The following SSH1 variants were observed in gnomAD, a reference collection of about 807,000 sequenced individuals.
SSH1 encodes protein phosphatase Slingshot homolog 1.
In SSH1, 43 loss-of-function variants were observed where a neutral mutation model predicts 79.7. The ratio of observed to expected loss-of-function variants is 0.54; its 90% CI spans 0.42 to 0.70. SSH1 has a LOEUF of 0.70. Among genes scored for constraint, SSH1 ranks in the 30% least tolerant of loss-of-function variants. The pLI is 0.00. For synonymous variants in SSH1, 599 were observed against 538.3 expected, an observed-to-expected ratio of 1.11 and a Z score of -1.56; for missense variants, 1,206 against 1,358.8, an observed-to-expected ratio of 0.89 and a Z score of 1.77.
intron 6 of SSH1, among the ~76,000 whole-genome samples, chr12:108,810,274 C>T (rs2037512885): frequency 6.6e-6 from 1 of 151,862 alleles, no homozygotes; most frequent in Non-Finnish European, 1.5e-5. Context: ...GTAATCCCAG[C>T]ACTTTGGGAG....
chr12:108,788,035 G>A lies in SSH1; in HGVS notation c.3103C>T (p.Pro1035Ser). Residue 1035 changes from proline to serine, a missense_variant, in exon 15 of 15, where the codon CCC (proline) becomes TCC (serine). Physicochemically the swap from Pro to Ser is moderately conservative, Grantham distance 74. Coordinates refer to ENST00000326495, the MANE Select transcript of SSH1 (RefSeq NM_018984.4). ...GGGCTCTTTAAGTTTTCTGGGGCGG[G>A]TTTCCCTGATGGTTTGGAGGTTGCA... The part of the protein sequence containing the change: ...PAATSKPSGK[P>S]APENLKSPSW... 6.2e-7 allele frequency: 1 copy of A among 1,614,174 alleles called. No individual in the cohort carries two copies. Among genetic ancestry groups the A allele is most frequent in the Non-Finnish European group, 8.5e-7 (1 of 1,180,038 alleles).
At chr12:108,802,237 G>T in intron 11 of SSH1, 85 bp downstream of exon 11, 1 of 1,293,938 alleles carries the variant, frequency 7.7e-7, no homozygotes. Flanking sequence ...CAGGCAGGCA[G>T]CCCCAAGGTC....
At position 108,789,048 on chromosome 12, in the gene SSH1, C is replaced by T. The variant is rs781650687; in HGVS notation, c.2090G>A (p.Arg697Lys). The T allele has an allele frequency of 7.5e-6, 12 of 1,609,764 alleles. No individual in the cohort carries two copies. The Middle Eastern group carries it at 9.9e-4, about 133-fold the overall frequency. Reference protein sequence around the residue: ...TSSPVAHLASRSRVPEKPASG... With the variant: ...TSSPVAHLASKSRVPEKPASG... ...GGCTGGCTTCTCCGGAACACGGGAC[C>T]TGCTGGCCAAGTGGGCCACAGGGGA... Residue 697 changes from arginine to lysine, a missense_variant, in exon 15 of 15, where the codon AGG becomes AAG. By Grantham distance (26) the Arg-to-Lys change is conservative. This residue lies in a region of SSH1 where 709 missense variants were observed against 730.6 expected (regional missense o/e 0.97). Coordinates refer to ENST00000326495, the MANE Select transcript of SSH1 (RefSeq NM_018984.4).
chr12:108,833,415 G>A (rs1267222483), intron 2 of SSH1, among the ~76,000 whole-genome samples: 1 of 152,188 alleles, frequency 6.6e-6, no homozygotes, highest in Admixed American at 6.5e-5. Flanking sequence ...GGCACATGAA[G>A]GAAATGTTTC....
chr12:108,852,114 TTTCC>T (rs2039051590), intron 2 of SSH1, among the ~76,000 whole-genome samples: 1 of 152,050 alleles, frequency 6.6e-6, no homozygotes, highest in African/African-American at 2.4e-5. Flanking sequence ...TGGCAATTAT[TTTCC>T]TTCTTTTCCA....
At chr12:108,829,053 G>A (rs1310749325) in intron 2 of SSH1, among the ~76,000 whole-genome samples, 1 of 152,128 alleles carries the variant, frequency 6.6e-6, no homozygotes, top group African/African-American at 2.4e-5. Context: ...AAAAACTGGG[G>A]GTGATGACTC....
chr12:108,821,494 T>G (rs2038117767), intron 3 of SSH1, among the ~76,000 whole-genome samples: 1 of 152,008 alleles, frequency 6.6e-6, no homozygotes, highest in Admixed American at 6.6e-5. Context: ...TAGTTACCCA[T>G]ATATATATAC....
chr12:108,840,166 G>A (rs934488135), intron 2 of SSH1, among the ~76,000 whole-genome samples: 1 of 152,032 alleles, frequency 6.6e-6, no homozygotes, highest in African/African-American at 2.4e-5. Flanking sequence ...CCTGCATCCC[G>A]ACACTGACTA....
At chr12:108,823,550 T>C (rs930690856) in intron 2 of SSH1, among the ~76,000 whole-genome samples, 189 bp from the exon 3 acceptor site, 1 of 152,248 alleles carries the variant, frequency 6.6e-6, no homozygotes, top group Non-Finnish European at 1.5e-5. Context: ...AGCTTGCTGC[T>C]GGAGAATTTT....
At chr12:108,842,998 T>G (rs1256329302) in intron 2 of SSH1, among the ~76,000 whole-genome samples, 1 of 152,212 alleles carries the variant, frequency 6.6e-6, no homozygotes, top group East Asian at 1.9e-4. Flanking sequence ...GCTTTATTTT[T>G]TCGCCTGGGC....
chr12:108,848,308 T>G (rs1446791696), intron 2 of SSH1, among the ~76,000 whole-genome samples: 1 of 152,140 alleles, frequency 6.6e-6, no homozygotes, highest in Non-Finnish European at 1.5e-5. Flanking sequence ...TGCAATTTAT[T>G]GGATATGGAT....
At chr12:108,809,591 G>T in intron 7 of SSH1, 102 bp downstream of exon 7, 1 of 969,540 alleles carries the variant, frequency 1.0e-6, no homozygotes, top group Non-Finnish European at 1.7e-6. Context: ...CCCTCAACAT[G>T]CACATACGTA....
At chr12:108,802,076 T>G (rs780776579) in intron 11 of SSH1, among the ~76,000 whole-genome samples, 23 of 152,096 alleles carry the variant, frequency 1.5e-4, no homozygotes, top group Non-Finnish European at 2.9e-4. Context: ...GAGTGTAATT[T>G]TAAGTTTTCC....
At chr12:108,827,426 G>A in intron 2 of SSH1, 1 of 1,358,300 alleles carries the variant, frequency 7.4e-7, no homozygotes, top group South Asian at 2.1e-5. Context: ...TGGAGATCAG[G>A]AAAAGCCAGG....
chr12:108,795,764 G>A (rs370640062), intron 13 of SSH1, among the ~76,000 whole-genome samples: 6 of 152,070 alleles, frequency 3.9e-5, no homozygotes, highest in African/African-American at 1.5e-4. Flanking sequence ...GGGGGCTGAG[G>A]TGGGAGAATC....
chr12:108,806,192 A>G lies in SSH1; in HGVS notation c.825+109T>C. 3.9e-6 allele frequency: 4 copies of G among 1,022,316 alleles called. No individual in the cohort carries two copies. In the East Asian group the frequency reaches 9.5e-5, roughly 24 times the overall value. 63.3% of individuals were successfully genotyped at this position (1,022,316 alleles called of 1,614,324 possible). A position where few individuals can be genotyped will look rare whatever the true frequency, so the allele number is the denominator to read the frequency against. ...AGCCTCCGGGGGCTGATACCAGAGGACAGGTAAAGACAACCAGATGTTGGG... is the reference window on the plus strand; with the variant it reads ...AGCCTCCGGGGGCTGATACCAGAGGGCAGGTAAAGACAACCAGATGTTGGG... On this transcript the variant is annotated intron_variant, in intron 9 of 14. Coordinates refer to ENST00000326495, the MANE Select transcript of SSH1 (RefSeq NM_018984.4).
At chr12:108,838,328 G>A (rs1484538728) in intron 2 of SSH1, among the ~76,000 whole-genome samples, 2 of 152,044 alleles carry the variant, frequency 1.3e-5, no homozygotes, top group Non-Finnish European at 2.9e-5. Flanking sequence ...GCCCTGTTTC[G>A]TGCCCAGAGC....
rs1340998972 is a variant in SSH1 at position 108,780,689 on chromosome 12, T to C, written c.*7299A>G. 6.6e-6 allele frequency: 1 copy of C among 152,230 alleles called. No individual in the cohort carries two copies. Among genetic ancestry groups the C allele is most frequent in the East Asian group, 1.9e-4 (1 of 5,200 alleles). 9.4% of individuals were successfully genotyped at this position (152,230 alleles called of 1,614,324 possible). On this transcript the variant is annotated 3_prime_UTR_variant, in exon 15 of 15. Coordinates refer to ENST00000326495, the MANE Select transcript of SSH1 (RefSeq NM_018984.4). ...TGTCTTGAACCATGACCCTCAGTGA[T>C]TTGTTTTTAAAACATTTTACAGAGA... is the stretch of plus-strand genomic sequence containing the variant.
At chr12:108,854,419 C>T (rs2137301135) in intron 1 of SSH1, among the ~76,000 whole-genome samples, 1 of 152,298 alleles carries the variant, frequency 6.6e-6, no homozygotes, top group Middle Eastern at 3.4e-3. Context: ...TATTCTTGTG[C>T]TCTGCCTGTT....
Sources: gnomAD v4.1 joint callset for allele counts (sites outside exome capture counted in the v4.1 genomes callset) on GRCh38, gnomAD v4.1.1 for gene constraint, gnomAD v4.1.1 regional missense constraint, MANE v1.5 for transcripts, NCBI Gene and HGNC (gene_info 2026-07-23, HGNC 2026-07-21) for gene names.